The following TGFBR3 variants were observed in gnomAD, a reference collection of about 807,000 sequenced individuals.
TGFBR3 encodes the protein transforming growth factor beta receptor type 3.
In TGFBR3, 46 loss-of-function variants were observed where a neutral mutation model predicts 87.9. The observed-to-expected ratio is 0.52, with a 90% CI of 0.41 to 0.67. The LOEUF (loss-of-function observed/expected upper bound fraction) is 0.67. Among genes scored for constraint, TGFBR3 ranks in the 30% least tolerant of loss-of-function variants. The probability of loss-of-function intolerance (pLI) is 0.00; values close to 1 mark genes in which losing one functional copy is unlikely to be tolerated. For missense variants in TGFBR3, 866 were observed against 1,041.9 expected (o/e 0.83, Z 2.32); for synonymous variants, 381 against 391.6 (o/e 0.97, Z 0.32).
In TGFBR3 at chr1:91,733,425, G is replaced by T. The variant is rs1489815397; in HGVS notation, c.568+1351C>A. Among the ~76,000 whole-genome samples the T allele has an allele frequency of 4.6e-5, 7 of 152,300 alleles. No homozygotes were observed. The East Asian group carries it at 9.7e-4, about 21-fold the overall frequency. Reference sequence around the variant, plus strand: ...GGGGTTAAGTGGGATGCACGTGAAGGCCCCTGAAATGGCTTCTGCACGTAG... The same window carrying T: ...GGGGTTAAGTGGGATGCACGTGAAGTCCCCTGAAATGGCTTCTGCACGTAG... On this transcript the variant is annotated intron_variant, in intron 5 of 16. Coordinates refer to ENST00000212355, the MANE Select transcript of TGFBR3 (RefSeq NM_003243.5).
At chr1:91,903,027 TAAAA>T (rs57978972) in intron 1 of TGFBR3, among the ~76,000 whole-genome samples, 1 of 134,126 alleles carries the variant, frequency 7.5e-6, no homozygotes, top group Non-Finnish European at 1.6e-5. Context: ...GCACCTCACT[TAAAA>T]AAAAAAAAAA....
At chr1:91,850,343 A>C (rs1677678579) in intron 2 of TGFBR3, among the ~76,000 whole-genome samples, 2 of 152,226 alleles carry the variant, frequency 1.3e-5, no homozygotes, top group Admixed American at 1.3e-4. Flanking sequence ...CAGGAGCTAT[A>C]GAGCATTTTG....
chr1:91,774,507 TAA>T (rs1239255972), intron 3 of TGFBR3, among the ~76,000 whole-genome samples: 1 of 152,164 alleles, frequency 6.6e-6, no homozygotes, highest in South Asian at 2.1e-4. Flanking sequence ...TATTGAAATA[TAA>T]GTTTCCAATA....
intron 12 of TGFBR3, among the ~76,000 whole-genome samples, chr1:91,713,028 CAA>C (rs1015095385): frequency 3.3e-5 from 5 of 152,144 alleles, no homozygotes; most frequent in African/African-American, 1.2e-4. Context: ...TTCTAAATTG[CAA>C]AAAGTCAGAG....
chr1:91,860,453 T>C (rs988243142), intron 2 of TGFBR3, among the ~76,000 whole-genome samples: 20 of 152,136 alleles, frequency 1.3e-4, no homozygotes, highest in African/African-American at 4.8e-4. Context: ...TTTATGTAGC[T>C]CATTACAGAA....
chr1:91,680,459 G>T lies in TGFBR3; in HGVS notation c.*3280C>A, dbSNP rs1310204305. On this transcript the variant is annotated 3_prime_UTR_variant, in exon 17 of 17. Coordinates refer to ENST00000212355, the MANE Select transcript of TGFBR3 (RefSeq NM_003243.5). ...TAGCTGACACACTGAACAGAGAAAAGAATACAACAGGGGTGTTCAAACTGG... is the reference window on the plus strand; with the variant it reads ...TAGCTGACACACTGAACAGAGAAAATAATACAACAGGGGTGTTCAAACTGG... The T allele has an allele frequency of 2.2e-6, 1 of 454,004 alleles. No individual in the cohort carries two copies. The highest frequency in any genetic ancestry group is 2.0e-5 in the African/African-American group (1 of 50,106). The allele number at this position is 454,004 out of a possible 1,614,324, so 28.1% of individuals were successfully genotyped here. A position where few individuals can be genotyped will look rare whatever the true frequency, so the allele number is the denominator to read the frequency against.
intron 4 of TGFBR3, among the ~76,000 whole-genome samples, chr1:91,756,451 T>C (rs147069813): frequency 6.6e-6 from 1 of 152,304 alleles, no homozygotes; most frequent in Non-Finnish European, 1.5e-5. Context: ...ACTAGCCATG[T>C]GATTTGGCCC....
Position 91,797,267 on chromosome 1 carries a change from G to C in TGFBR3, c.246+20C>G. 1 of 1,613,538 alleles carries C rather than the reference G, an allele frequency of 6.2e-7. No homozygotes were observed. The highest frequency in any genetic ancestry group is 8.5e-7 in the Non-Finnish European group (1 of 1,179,812). On this transcript the variant is annotated intron_variant, in intron 3 of 16. Transcript: ENST00000212355. ...TGCAGACTCAGTGGCAGTGGGCTGA[G>C]AGCTGACACCTGCACCTACCTCTCT...
intron 5 of TGFBR3, among the ~76,000 whole-genome samples, chr1:91,734,513 C>T (rs2100823853): frequency 6.6e-6 from 1 of 152,310 alleles, no homozygotes; most frequent in South Asian, 2.1e-4. Flanking sequence ...TCTTCTAAAT[C>T]CCACACAACA....
intron 3 of TGFBR3, among the ~76,000 whole-genome samples, chr1:91,782,035 G>GA (rs1197967806): frequency 5.9e-5 from 9 of 152,066 alleles, no homozygotes; most frequent in African/African-American, 2.2e-4. Flanking sequence ...ACAACCACTG[G>GA]AAAAATGAGT....
intron 2 of TGFBR3, among the ~76,000 whole-genome samples, chr1:91,806,475 C>CGG (rs66734136): frequency 9.4e-4 from 142 of 151,470 alleles, no homozygotes; most frequent in East Asian, 7.6e-3. Context: ...AAAATACTGG[C>CGG]GGGGGGGGTA....
At chr1:91,771,402 GA>G (rs1459805848) in intron 3 of TGFBR3, among the ~76,000 whole-genome samples, 7 of 152,014 alleles carry the variant, frequency 4.6e-5, no homozygotes, top group Admixed American at 4.6e-4. Flanking sequence ...TAAGTGAGTA[GA>G]TTTAAGAAAA....
intron 1 of TGFBR3, among the ~76,000 whole-genome samples, chr1:91,905,015 A>G (rs1398325999): frequency 6.6e-6 from 1 of 152,126 alleles, no homozygotes; most frequent in Non-Finnish European, 1.5e-5. Context: ...CTTTACCTGT[A>G]AAAAAGGAAC....
chr1:91,713,996 T>A (rs986269411), intron 12 of TGFBR3, among the ~76,000 whole-genome samples: 5 of 150,272 alleles, frequency 3.3e-5, no homozygotes, highest in Non-Finnish European at 7.4e-5. Context: ...AAAATATATA[T>A]TATTTTTTAA....
intron 15 of TGFBR3, among the ~76,000 whole-genome samples, chr1:91,696,946 A>G (rs1433708511): frequency 6.6e-6 from 1 of 151,936 alleles, no homozygotes; most frequent in Non-Finnish European, 1.5e-5. Context: ...AAGGATCCGA[A>G]CTCCCAAGTT....
At chr1:91,820,454 C>A (rs748071438) in intron 2 of TGFBR3, among the ~76,000 whole-genome samples, 1 of 152,004 alleles carries the variant, frequency 6.6e-6, no homozygotes, top group African/African-American at 2.4e-5. Flanking sequence ...GAGGCCGAGG[C>A]GGGCGGATCA....
At chr1:91,780,339 G>C (rs141374889) in intron 3 of TGFBR3, among the ~76,000 whole-genome samples, 1 of 152,194 alleles carries the variant, frequency 6.6e-6, no homozygotes, top group East Asian at 1.9e-4. Flanking sequence ...TCTCAATTCT[G>C]TAACCCTGGT....
chr1:91,904,692 G>A (rs2101357399), intron 1 of TGFBR3, among the ~76,000 whole-genome samples: 1 of 151,918 alleles, frequency 6.6e-6, no homozygotes, highest in African/African-American at 2.4e-5. Flanking sequence ...AGCCTCCTGA[G>A]TAGCTGGGAT....
At chr1:91,724,795 A>G (rs1422595784) in intron 7 of TGFBR3, among the ~76,000 whole-genome samples, 3 of 152,128 alleles carry the variant, frequency 2.0e-5, no homozygotes, top group African/African-American at 7.2e-5. Context: ...TTTCCCAGCC[A>G]TATCTTCATG....
Sources: allele counts gnomAD v4.1 joint callset (sites outside exome capture counted in the v4.1 genomes callset), GRCh38; gene constraint gnomAD v4.1.1; transcripts MANE v1.5; gene names NCBI Gene and HGNC (gene_info 2026-07-23, HGNC 2026-07-21).